RAB31: variants seen among roughly 807,000 people sequenced by gnomAD.
RAB31 encodes RAB31, member RAS oncogene family, also known as ras-related protein Rab-31.
Under a neutral mutation model 25.6 loss-of-function variants are expected in RAB31, and 21 were observed. The observed-to-expected ratio is 0.82, with a 90% CI of 0.58 to 1.18. RAB31 has a LOEUF of 1.18. Ranked by LOEUF, RAB31 falls within the 50% of genes most tolerant of loss-of-function variation. The pLI is 0.00. For synonymous variants in RAB31, 87 were observed against 84.0 expected (o/e 1.04, Z -0.20); for missense variants, 196 against 250.1 (o/e 0.78, Z 1.46).
chr18:9,822,488 A>G (rs1006992463), intron 5 of RAB31, among the ~76,000 whole-genome samples: 44 of 152,214 alleles, frequency 2.9e-4, no homozygotes, highest in African/African-American at 1.1e-3. Flanking sequence ...AAACTTAAAA[A>G]TATTTGCTCT....
rs536443584 is a variant in RAB31, at chr18:9,779,892, C to T, written c.119+4535C>T. Among the ~76,000 whole-genome samples, 7 of 152,170 alleles carry T rather than the reference C, an allele frequency of 4.6e-5. No individual in the cohort carries two copies. In the East Asian group the frequency reaches 9.6e-4, roughly 21 times the overall value. On this transcript the variant is annotated intron_variant, in intron 2 of 6. Transcript: ENST00000578921. Reference sequence around the variant, plus strand: ...TGTTTTGATTATAAAAGTTCATGTTCGACTGGGCGTGGTGGCTCCTGCCTA... The same window carrying T: ...TGTTTTGATTATAAAAGTTCATGTTTGACTGGGCGTGGTGGCTCCTGCCTA...
chr18:9,780,305 AT>A (rs767433821), intron 2 of RAB31, among the ~76,000 whole-genome samples: 1 of 152,030 alleles, frequency 6.6e-6, no homozygotes, highest in East Asian at 1.9e-4. Flanking sequence ...TATTTTGAAC[AT>A]TTTTTACAGT....
intron 1 of RAB31, among the ~76,000 whole-genome samples, chr18:9,718,599 T>C (rs975932264): frequency 6.6e-6 from 1 of 152,220 alleles, no homozygotes; most frequent in African/African-American, 2.4e-5. Flanking sequence ...AAAGAGCTAA[T>C]TTTTTAAATT....
At chr18:9,729,296 G>C (rs1204948383) in intron 1 of RAB31, among the ~76,000 whole-genome samples, 1 of 152,166 alleles carries the variant, frequency 6.6e-6, no homozygotes, top group Non-Finnish European at 1.5e-5. Context: ...GGAAGGCTGA[G>C]GCGGGCGGAT....
intron 5 of RAB31, among the ~76,000 whole-genome samples, chr18:9,828,969 T>G (rs2068663812): frequency 6.6e-6 from 1 of 152,150 alleles, no homozygotes; most frequent in South Asian, 2.1e-4. Flanking sequence ...GTGGTGCGGG[T>G]GGCCCCTCCC....
Position 9,845,602 on chromosome 18 carries a change from C to G in RAB31, c.401C>G (p.Ala134Gly), listed in dbSNP as rs1356383084. 6.4e-7 allele frequency: 1 copy of G among 1,556,260 alleles called. No homozygotes were observed. Among genetic ancestry groups the G allele is most frequent in the Non-Finnish European group, 8.7e-7 (1 of 1,151,760 alleles). Residue 134 changes from alanine to glycine, a missense_variant, in exon 6 of 7, where the codon GCT becomes GGT. Transcript: ENST00000578921. ...TCCAGGGAGGTTCCCCTGAAGGATGCTAAGGAATACGCTGAATCCATAGGT... is the reference window on the plus strand; with the variant it reads ...TCCAGGGAGGTTCCCCTGAAGGATGGTAAGGAATACGCTGAATCCATAGGT... ...SDIREVPLKD[A>G]KEYAESIGAI...
intron 1 of RAB31, among the ~76,000 whole-genome samples, chr18:9,759,514 C>T (rs1027879060): frequency 5.3e-5 from 8 of 151,406 alleles, no homozygotes; most frequent in Middle Eastern, 3.2e-3. Context: ...GATTGCTTTG[C>T]GAATCTCATG....
chr18:9,839,449 A>C (rs2068721442), intron 5 of RAB31, among the ~76,000 whole-genome samples: 2 of 152,184 alleles, frequency 1.3e-5, no homozygotes, highest in South Asian at 4.1e-4. Flanking sequence ...CACCATGGGC[A>C]CATGGATTGC....
intron 1 of RAB31, among the ~76,000 whole-genome samples, chr18:9,760,618 C>T (rs553120987): frequency 2.6e-5 from 4 of 152,294 alleles, no homozygotes; most frequent in Admixed American, 6.5e-5. Context: ...CAGTGAGCTC[C>T]GGGAGGTGTT....
intron 1 of RAB31, among the ~76,000 whole-genome samples, chr18:9,759,764 GA>G (rs2068278512): frequency 2.0e-5 from 3 of 152,138 alleles, no homozygotes; most frequent in Admixed American, 1.3e-4. Flanking sequence ...AACTTGAATG[GA>G]AAGTTTAATT....
chr18:9,835,877 A>G (rs1253911774), intron 5 of RAB31, among the ~76,000 whole-genome samples: 1 of 152,158 alleles, frequency 6.6e-6, no homozygotes, highest in East Asian at 1.9e-4. Flanking sequence ...CATCTTGGGT[A>G]TTTAGAGAAA....
chr18:9,771,856 A>T (rs1013820179), intron 1 of RAB31, among the ~76,000 whole-genome samples: 3 of 152,236 alleles, frequency 2.0e-5, no homozygotes, highest in Non-Finnish European at 2.9e-5. Flanking sequence ...CAAGTGTGTA[A>T]GAATGTACAT....
chr18:9,737,827 AG>A (rs2068158129), intron 1 of RAB31, among the ~76,000 whole-genome samples: 1 of 152,204 alleles, frequency 6.6e-6, no homozygotes, highest in Non-Finnish European at 1.5e-5. Flanking sequence ...GAAACCAAGC[AG>A]GGGTCTCTAA....
intron 1 of RAB31, among the ~76,000 whole-genome samples, chr18:9,747,894 T>A (rs1352128748): frequency 6.6e-6 from 1 of 152,234 alleles, no homozygotes; most frequent in African/African-American, 2.4e-5. Flanking sequence ...ATGGTTTATA[T>A]GTGAGTAATT....
In RAB31 at chr18:9,845,569, A is replaced by G. The variant is rs1350105100; in HGVS notation, c.381-13A>G. The G allele has an allele frequency of 2.6e-6, 4 of 1,526,182 alleles. No homozygotes were observed. In the South Asian group the frequency reaches 3.8e-5, roughly 15 times the overall value. 94.5% of individuals were successfully genotyped at this position (1,526,182 alleles called of 1,614,324 possible). A position where few individuals can be genotyped will look rare whatever the true frequency, so the allele number is the denominator to read the frequency against. ...AACATTCATTTCCTGTCTACATTTG[A>G]CCTCTTTTCCAGGGAGGTTCCCCTG... On this transcript the variant is annotated splice_polypyrimidine_tract_variant and intron_variant, in intron 5 of 6. Transcript: ENST00000578921.
intron 3 of RAB31, among the ~76,000 whole-genome samples, chr18:9,796,586 A>G (rs1376942200): frequency 6.6e-6 from 1 of 152,154 alleles, no homozygotes; most frequent in African/African-American, 2.4e-5. Context: ...TATTAAAATG[A>G]GAAAGAAAAA....
chr18:9,717,929 G>C (rs1000541033), intron 1 of RAB31, among the ~76,000 whole-genome samples: 1 of 151,992 alleles, frequency 6.6e-6, no homozygotes. Context: ...TTGAGACCGG[G>C]TCTTGCCCAG....
intron 2 of RAB31, among the ~76,000 whole-genome samples, chr18:9,781,378 G>A (rs1166102746): frequency 2.0e-5 from 3 of 151,962 alleles, no homozygotes; most frequent in South Asian, 2.1e-4. Context: ...GCACAGTGAC[G>A]CGATCTTGGC....
chr18:9,714,025 CAA>C (rs1323816778), intron 1 of RAB31, among the ~76,000 whole-genome samples: 1 of 152,102 alleles, frequency 6.6e-6, no homozygotes, highest in African/African-American at 2.4e-5. Context: ...TGGAGGGACA[CAA>C]ATATTAATTC....
Sources: gnomAD v4.1 joint callset for allele counts (sites outside exome capture counted in the v4.1 genomes callset) on GRCh38, gnomAD v4.1.1 for gene constraint, MANE v1.5 for transcripts, NCBI Gene and HGNC (gene_info 2026-07-23, HGNC 2026-07-21) for gene names.